Variants in PTPRN2 observed in about 807,000 individuals in gnomAD.
The protein encoded by PTPRN2 is protein tyrosine phosphatase receptor type N2.
In PTPRN2, 74 loss-of-function variants were observed where a neutral mutation model predicts 118.8. The ratio of observed to expected loss-of-function variants is 0.62; its 90% confidence interval spans 0.52 to 0.76. The LOEUF (loss-of-function observed/expected upper bound fraction) is 0.76. Among genes scored for constraint, PTPRN2 ranks in the 30% least tolerant of loss-of-function variants. PTPRN2 has a pLI of 0.00. For synonymous variants in PTPRN2, 641 were observed against 608.0 expected (o/e 1.05, Z -0.80); for missense variants, 1,481 against 1,394.4 (o/e 1.06, Z -0.99).
At chr7:157,604,459 G>A (rs1585095634) in intron 15 of PTPRN2, among the ~76,000 whole-genome samples, 1 of 152,204 alleles carries the variant, frequency 6.6e-6, no homozygotes, top group African/African-American at 2.4e-5. Context: ...TTTCCCCCAC[G>A]TGGAGTTCAC....
chr7:158,275,081 G>A (rs1586089675), intron 3 of PTPRN2, among the ~76,000 whole-genome samples: 1 of 152,290 alleles, frequency 6.6e-6, no homozygotes, highest in African/African-American at 2.4e-5. Flanking sequence ...CAGGAAAGAG[G>A]AGACAGAACA....
intron 5 of PTPRN2, among the ~76,000 whole-genome samples, chr7:158,175,920 G>A (rs780535060): frequency 2.6e-5 from 4 of 151,914 alleles, no homozygotes; most frequent in Non-Finnish European, 5.9e-5. Flanking sequence ...CTCTCAGTCT[G>A]CCCTGCTCAA....
intron 12 of PTPRN2, among the ~76,000 whole-genome samples, chr7:157,774,200 A>T (rs967875611): frequency 1.3e-5 from 2 of 152,220 alleles, no homozygotes; most frequent in African/African-American, 4.8e-5. Flanking sequence ...CAGACAATCT[A>T]TTTTTTGAAA....
intron 9 of PTPRN2, among the ~76,000 whole-genome samples, chr7:158,118,189 A>T (rs1171687349): frequency 6.6e-6 from 1 of 152,222 alleles, no homozygotes; most frequent in African/African-American, 2.4e-5. Flanking sequence ...AATAAATTTT[A>T]AACAATTATT....
At chr7:158,150,542 G>A (rs1179704738) in intron 6 of PTPRN2, among the ~76,000 whole-genome samples, 2 of 151,984 alleles carry the variant, frequency 1.3e-5, no homozygotes, top group Non-Finnish European at 2.9e-5. Flanking sequence ...ACCAGCTCCT[G>A]GAGCCCAGAA....
chr7:158,363,393 G>A (rs537583420), intron 2 of PTPRN2, among the ~76,000 whole-genome samples: 18 of 152,258 alleles, frequency 1.2e-4, no homozygotes, highest in Non-Finnish European at 1.9e-4. Flanking sequence ...CACCCACGCT[G>A]GAACCACTGC....
chr7:157,663,367 A>C (rs569229489), intron 13 of PTPRN2, among the ~76,000 whole-genome samples: 2 of 152,240 alleles, frequency 1.3e-5, no homozygotes, highest in South Asian at 4.1e-4. Flanking sequence ...TGCAGGCCCA[A>C]CTCCTGGTGT....
rs1455157757 is a variant in PTPRN2, at chr7:158,171,627, A to G, written c.550-4336T>C. ...TGGCCTCCCAAAGTGCTGGGATTAC[A>G]AGCGTGAGCCACCATGCCCAGCCTA... On this transcript the variant is annotated intron_variant, in intron 5 of 22. Coordinates refer to ENST00000389418, the MANE Select transcript of PTPRN2 (RefSeq NM_002847.5). 1.3e-5 allele frequency among the ~76,000 whole-genome samples: 2 copies of G among 152,088 alleles called. 1 individual carries two copies.
At chr7:158,450,240 G>T (rs544630019) in intron 2 of PTPRN2, among the ~76,000 whole-genome samples, 1 of 152,160 alleles carries the variant, frequency 6.6e-6, no homozygotes, top group African/African-American at 2.4e-5. Flanking sequence ...ACTCAATCAC[G>T]GCCCAAAGGC....
In PTPRN2 at chr7:158,087,988, A is replaced by T. The variant is rs199806569; in HGVS notation, c.1644-6611T>A. On this transcript the variant is annotated intron_variant, in intron 10 of 22. Transcript: ENST00000389418. Reference sequence around the variant, plus strand: ...TCCCCTGATGAAAGAGGGAGTCTTCACACAAACCTTCTTCCCCTGAGGAAA... The same window carrying T: ...TCCCCTGATGAAAGAGGGAGTCTTCTCACAAACCTTCTTCCCCTGAGGAAA... Among the ~76,000 whole-genome samples, 60 of 67,974 alleles carry T rather than the reference A, an allele frequency of 8.8e-4. No homozygotes were observed. The East Asian group carries it at 0.012, about 14-fold the overall frequency. 44.6% of individuals were successfully genotyped at this position (67,974 alleles called of 152,430 possible). A position where few individuals can be genotyped will look rare whatever the true frequency, so the allele number is the denominator to read the frequency against.
intron 11 of PTPRN2, among the ~76,000 whole-genome samples, chr7:157,911,994 C>T (rs959952536): frequency 2.6e-5 from 4 of 152,148 alleles, no homozygotes; most frequent in East Asian, 1.9e-4. Context: ...TTACCCAGTC[C>T]GGTGGGAAAC....
At chr7:158,103,229 C>T (rs570080967) in intron 10 of PTPRN2, among the ~76,000 whole-genome samples, 4 of 152,212 alleles carry the variant, frequency 2.6e-5, no homozygotes, top group South Asian at 2.1e-4. Context: ...TAAAACTAGG[C>T]GCCTTCCTGG....
intron 5 of PTPRN2, among the ~76,000 whole-genome samples, chr7:158,185,238 C>T (rs1377390126): frequency 6.6e-6 from 1 of 152,000 alleles, no homozygotes. Flanking sequence ...GATCTGTTGA[C>T]ATTTATTGAG....
Position 157,560,695 on chromosome 7 carries a change from CAG to C in PTPRN2, c.2902+8205_2902+8206del, listed in dbSNP as rs1232604097. On this transcript the variant is annotated intron_variant, in intron 21 of 22. Transcript: ENST00000389418. The surrounding 1 kb of genome is among the most constrained non-coding windows in gnomAD (Gnocchi z 6.7). The stretch of plus-strand genomic sequence containing the variant: ...AACTTCTCCCTTGAAGAGAAAGGTG[CAG>C]ACAGGCTCCCTCTCCCCTTCCCTCC... Among the ~76,000 whole-genome samples, 2 of 152,180 alleles carry C rather than the reference CAG, an allele frequency of 1.3e-5. No homozygotes were observed. The highest frequency in any genetic ancestry group is 2.9e-5 in the Non-Finnish European group (2 of 68,028).
chr7:157,789,351 C>T (rs777957387), intron 12 of PTPRN2, among the ~76,000 whole-genome samples: 3 of 152,178 alleles, frequency 2.0e-5, no homozygotes, highest in Non-Finnish European at 2.9e-5. Flanking sequence ...CTGGTGGTCC[C>T]GGGGCAGCCA....
chr7:158,572,971 A>G (rs1402542731), intron 1 of PTPRN2, among the ~76,000 whole-genome samples: 1 of 152,246 alleles, frequency 6.6e-6, no homozygotes, highest in African/African-American at 2.4e-5. Context: ...ATCTCACTCC[A>G]TGACATTTTC....
rs35397380 is a variant in PTPRN2, at chr7:157,672,454, C to CA, written c.2001+10270dup. Among the ~76,000 whole-genome samples the CA allele has an allele frequency of 1.8e-4, 28 of 151,796 alleles. No individual in the cohort carries two copies. In the East Asian group the frequency reaches 3.9e-3, roughly 21 times the overall value. Reference sequence around the variant, plus strand: ...CCATCCAATTTAGTATTTTGTTTTGCAAAAAAAATCTGCATTGTATTTCCT... The same window carrying CA: ...CCATCCAATTTAGTATTTTGTTTTGCAAAAAAAAATCTGCATTGTATTTCCT... On this transcript the variant is annotated intron_variant, in intron 13 of 22. Coordinates refer to ENST00000389418, the MANE Select transcript of PTPRN2 (RefSeq NM_002847.5).
chr7:157,842,244 C>CT (rs907250390), intron 12 of PTPRN2, among the ~76,000 whole-genome samples: 7 of 152,088 alleles, frequency 4.6e-5, no homozygotes, highest in Non-Finnish European at 8.8e-5. Flanking sequence ...CACATTCCTG[C>CT]TTTATGGGGT....
chr7:157,857,994 G>C (rs1214862358), intron 12 of PTPRN2: 1 of 155,840 alleles, frequency 6.4e-6, no homozygotes, highest in East Asian at 1.9e-4. Context: ...GGAGCCCTTT[G>C]TCGGGGGGCC....
Sources: allele counts gnomAD v4.1 joint callset (sites outside exome capture counted in the v4.1 genomes callset), GRCh38; gene constraint gnomAD v4.1.1; non-coding constraint Gnocchi (gnomAD v3.1); transcripts MANE v1.5; gene names NCBI Gene and HGNC (gene_info 2026-07-23, HGNC 2026-07-21).